Variants in SPHKAP observed in about 807,000 individuals in gnomAD.
SPHKAP encodes the protein SPHK1 interactor, AKAP domain containing, also known as A-kinase anchor protein SPHKAP.
SPHKAP carries 67 observed loss-of-function variants against 137.5 expected under a neutral mutation model. The observed-to-expected ratio is 0.49, with a 90% CI of 0.40 to 0.60. The LOEUF (loss-of-function observed/expected upper bound fraction) is 0.60, where lower values mean the gene tolerates loss of function less well. SPHKAP is among the 20% of genes least tolerant of loss of function. SPHKAP has a pLI of 0.00. For synonymous variants in SPHKAP, 813 were observed against 785.3 expected, an observed-to-expected ratio of 1.04 and a Z score of -0.59; for missense variants, 2,097 against 2,069.3, an observed-to-expected ratio of 1.01 and a Z score of -0.26.
intron 11 of SPHKAP, among the ~76,000 whole-genome samples, chr2:227,983,523 A>C (rs1189739089): frequency 6.6e-6 from 1 of 152,246 alleles, no homozygotes; most frequent in Non-Finnish European, 1.5e-5. Context: ...CCATCTTTTC[A>C]TATCTCGTGC....
intron 1 of SPHKAP, among the ~76,000 whole-genome samples, chr2:228,139,632 T>C (rs1416103695): frequency 1.3e-5 from 2 of 152,180 alleles, no homozygotes; most frequent in East Asian, 3.9e-4. Flanking sequence ...ACCCCAACTA[T>C]AATCCTTCAT....
chr2:228,065,272 T>C (rs1483373958), intron 3 of SPHKAP, among the ~76,000 whole-genome samples: 2 of 152,158 alleles, frequency 1.3e-5, no homozygotes, highest in Non-Finnish European at 2.9e-5. Context: ...CCAACACACA[T>C]GAAACAGCCA....
At chr2:228,031,503 A>C (rs553337033) in intron 3 of SPHKAP, among the ~76,000 whole-genome samples, 2 of 152,228 alleles carry the variant, frequency 1.3e-5, no homozygotes, top group African/African-American at 2.4e-5. Context: ...CCTGTCTGAC[A>C]GCTTTGAAGA....
intron 3 of SPHKAP, among the ~76,000 whole-genome samples, chr2:228,077,087 A>C (rs1046320734): frequency 1.3e-5 from 2 of 152,178 alleles, no homozygotes; most frequent in Non-Finnish European, 2.9e-5. Context: ...CTTCCACATG[A>C]TGTTGAGTCT....
chr2:228,128,018 C>G (rs1403841820), intron 2 of SPHKAP, among the ~76,000 whole-genome samples: 1 of 152,122 alleles, frequency 6.6e-6, no homozygotes, highest in East Asian at 1.9e-4. Context: ...GTCTTGTCTC[C>G]AGGTTGATGG....
intron 3 of SPHKAP, among the ~76,000 whole-genome samples, chr2:228,077,735 G>A (rs1021159880): frequency 1.3e-5 from 2 of 152,206 alleles, no homozygotes; most frequent in Admixed American, 1.3e-4. Flanking sequence ...GTGCTGAAAT[G>A]AGTTAAGGTT....
intron 11 of SPHKAP, among the ~76,000 whole-genome samples, chr2:227,987,072 T>C (rs577764049): frequency 6.6e-6 from 1 of 152,226 alleles, no homozygotes; most frequent in African/African-American, 2.4e-5. Flanking sequence ...TTCTGCTGCT[T>C]GTCTAAGATA....
chr2:228,139,379 A>G (rs879859951), intron 1 of SPHKAP, among the ~76,000 whole-genome samples: 2 of 152,186 alleles, frequency 1.3e-5, no homozygotes, highest in Non-Finnish European at 1.5e-5. Context: ...TATATTAGAA[A>G]AGACAATCAA....
At chr2:228,149,204 T>C (rs1333905899) in intron 1 of SPHKAP, among the ~76,000 whole-genome samples, 1 of 152,198 alleles carries the variant, frequency 6.6e-6, no homozygotes, top group Admixed American at 6.5e-5. Context: ...TTGTATGACT[T>C]GTTTACTTTG....
At chr2:228,021,566 C>CTCCT (rs1357169560) in intron 6 of SPHKAP, 145 bp downstream of exon 6, 26 of 986,116 alleles carry the variant, frequency 2.6e-5, no homozygotes, top group African/African-American at 9.8e-5. Flanking sequence ...TTCTCATATC[C>CTCCT]TCCTTCCTTC....
chr2:227,981,588 A>G lies in SPHKAP; in HGVS notation c.*129T>C. 3.2e-6 allele frequency: 4 copies of G among 1,238,554 alleles called. No homozygotes were observed. The highest frequency in any genetic ancestry group is 3.3e-5 in the South Asian group (2 of 61,398). 76.7% of individuals were successfully genotyped at this position (1,238,554 alleles called of 1,614,324 possible). On this transcript the variant is annotated 3_prime_UTR_variant, in exon 12 of 12. Coordinates refer to ENST00000392056, the MANE Select transcript of SPHKAP (RefSeq NM_001142644.2). Reference sequence around the variant, plus strand: ...TATTCTGTATGCAGTGGATCTGAGTAGCAGATTTTTTTTTATAGTTCTGCT... The same window carrying G: ...TATTCTGTATGCAGTGGATCTGAGTGGCAGATTTTTTTTTATAGTTCTGCT...
At chr2:228,020,661 A>C (rs1330450783) in intron 6 of SPHKAP, among the ~76,000 whole-genome samples, 1 of 152,216 alleles carries the variant, frequency 6.6e-6, no homozygotes, top group Non-Finnish European at 1.5e-5. Context: ...GCACATGTAT[A>C]CATATGTAAC....
In SPHKAP at chr2:228,022,009, A is replaced by T. The variant is rs181358380; in HGVS notation, c.442-43T>A. 1.4e-5 allele frequency: 21 copies of T among 1,528,188 alleles called. No homozygotes were observed. In the East Asian group the frequency reaches 4.6e-4, roughly 33 times the overall value. 94.7% of individuals were successfully genotyped at this position (1,528,188 alleles called of 1,614,324 possible). On this transcript the variant is annotated intron_variant, in intron 5 of 11. Transcript: ENST00000392056. ...AGAAGGCATTTATTCAAAAGGGAAA[A>T]TAAAAGACTATTGCCTCTGAGCTTT...
chr2:228,018,065 G>C lies in SPHKAP; in HGVS notation c.2789C>G (p.Ala930Gly). 1.2e-6 allele frequency: 2 copies of C among 1,614,100 alleles called. No homozygotes were observed. Among genetic ancestry groups the C allele is most frequent in the Non-Finnish European group, 1.7e-6 (2 of 1,180,020 alleles). ...HPDIYCITDFAEELADTVVSM... is the reference protein window; with the variant it reads ...HPDIYCITDFGEELADTVVSM... ...GACGACCGTGTCTGCTAATTCTTCC[G>C]CAAAGTCTGTAATGCAGTAGATGTC... The change falls in exon 7 of 12, where the codon GCG becomes GGG. Residue 930 changes from alanine (A) to glycine (G), a missense_variant. Transcript: ENST00000392056.
At chr2:228,020,302 G>T (rs781688251) in intron 6 of SPHKAP, 146 bp from the exon 7 acceptor site, 1 of 1,190,166 alleles carries the variant, frequency 8.4e-7, no homozygotes, top group Non-Finnish European at 1.1e-6. Context: ...CAATAGCAAA[G>T]ACTTGGAACC....
At chr2:228,175,943 C>T (rs985338694) in intron 1 of SPHKAP, among the ~76,000 whole-genome samples, 9 of 152,212 alleles carry the variant, frequency 5.9e-5, no homozygotes, top group Admixed American at 5.9e-4. Context: ...TATCATGAAA[C>T]CATCATATTT....
intron 7 of SPHKAP, among the ~76,000 whole-genome samples, chr2:228,015,745 C>T (rs1268624832): frequency 6.6e-6 from 1 of 152,104 alleles, no homozygotes; most frequent in Non-Finnish European, 1.5e-5. Flanking sequence ...ATCTAAAGGG[C>T]AGCCCTTCTA....
intron 11 of SPHKAP, among the ~76,000 whole-genome samples, chr2:227,985,329 T>G (rs1693174022): frequency 6.6e-6 from 1 of 152,178 alleles, no homozygotes; most frequent in African/African-American, 2.4e-5. Context: ...TTGGGGCTGA[T>G]GAGCAAGAAG....
intron 2 of SPHKAP, among the ~76,000 whole-genome samples, chr2:228,122,342 T>C (rs1351431918): frequency 2.0e-5 from 3 of 152,074 alleles, no homozygotes; most frequent in Non-Finnish European, 4.4e-5. Context: ...CCAGGGGCTC[T>C]TCACACACAG....
Sources: allele counts gnomAD v4.1 joint callset (sites outside exome capture counted in the v4.1 genomes callset), GRCh38; gene constraint gnomAD v4.1.1; transcripts MANE v1.5; gene names NCBI Gene and HGNC (gene_info 2026-07-23, HGNC 2026-07-21).